Variants in PDZRN4 observed in about 807,000 individuals in gnomAD.
The protein encoded by PDZRN4 is PDZ domain containing ring finger 4.
A neutral mutation model predicts 99.0 loss-of-function variants in PDZRN4; 70 were observed. The observed-to-expected ratio is 0.71, with a 90% CI of 0.58 to 0.86. The LOEUF (loss-of-function observed/expected upper bound fraction) is 0.86. Among genes scored for constraint, PDZRN4 ranks in the 40% least tolerant of loss-of-function variants. The pLI is 0.00. For synonymous variants in PDZRN4, 551 were observed against 501.6 expected (o/e 1.10, Z -1.32); for missense variants, 1,474 against 1,331.2 (o/e 1.11, Z -1.67).
intron 3 of PDZRN4, among the ~76,000 whole-genome samples, chr12:41,483,008 A>T (rs1456125876): frequency 6.6e-6 from 1 of 151,806 alleles, no homozygotes; most frequent in African/African-American, 2.4e-5. Flanking sequence ...ATTCATATTG[A>T]TATTAAAAAT....
intron 3 of PDZRN4, among the ~76,000 whole-genome samples, chr12:41,375,395 G>T (rs1028781539): frequency 6.6e-6 from 1 of 152,094 alleles, no homozygotes; most frequent in African/African-American, 2.4e-5. Context: ...TAGATAGAAT[G>T]AAATTTCAAG....
intron 3 of PDZRN4, among the ~76,000 whole-genome samples, chr12:41,360,072 G>C (rs73274414): frequency 0.013 from 1,940 of 152,014 alleles, 45 homozygotes; most frequent in African/African-American, 0.043. Context: ...AATACATTTG[G>C]TTAAGATTGT....
chr12:41,198,698 C>T (rs1273804207), intron 3 of PDZRN4, among the ~76,000 whole-genome samples: 2 of 151,152 alleles, frequency 1.3e-5, no homozygotes, highest in African/African-American at 2.4e-5. Context: ...CAGCATGGCA[C>T]ATGTATACAT....
At chr12:41,191,747 TA>T in intron 2 of PDZRN4, among the ~76,000 whole-genome samples, 1 of 54,942 alleles carries the variant, frequency 1.8e-5, no homozygotes, top group African/African-American at 9.1e-5. Flanking sequence ...ACCCAGATTT[TA>T]TTTATTTATT....
intron 5 of PDZRN4, among the ~76,000 whole-genome samples, chr12:41,543,077 C>G (rs1201484982): frequency 6.6e-6 from 1 of 152,092 alleles, no homozygotes; most frequent in Non-Finnish European, 1.5e-5. Flanking sequence ...TTAATACATC[C>G]CTAAACCCTC....
chr12:41,573,995 T>G lies in PDZRN4; in HGVS notation c.*105T>G, dbSNP rs959507537. 2.3e-5 allele frequency: 17 copies of G among 738,582 alleles called. No homozygotes were observed. Among genetic ancestry groups the G allele is most frequent in the Non-Finnish European group, 3.4e-5 (17 of 494,492 alleles). 45.8% of individuals were successfully genotyped at this position (738,582 alleles called of 1,614,324 possible). ...GGCGTTTTTATATATATTTTGTGAC[T>G]CTTTATAGTTTAAATTTTTTGTAAG... is the stretch of plus-strand genomic sequence containing the variant. On this transcript the variant is annotated 3_prime_UTR_variant, in exon 10 of 10. Transcript: ENST00000402685.
rs559021724 is a variant in PDZRN4, at chr12:41,225,816, A to C, written c.843+31628A>C. Among the ~76,000 whole-genome samples the C allele has an allele frequency of 1.1e-4, 16 of 152,284 alleles. No individual in the cohort carries two copies. The South Asian group carries it at 2.9e-3, about 28-fold the overall frequency. On this transcript the variant is annotated intron_variant, in intron 3 of 9. Coordinates refer to ENST00000402685, the MANE Select transcript of PDZRN4 (RefSeq NM_001164595.2). ...GTTTTGCATGTTAATTATAACAGCT[A>C]TAAGGTGTTGTAGGAGTTGGCATCT...
intron 3 of PDZRN4, among the ~76,000 whole-genome samples, chr12:41,282,926 G>T (rs549796609): frequency 6.6e-6 from 1 of 152,266 alleles, no homozygotes; most frequent in Non-Finnish European, 1.5e-5. Context: ...AAGTGGCAAA[G>T]ATCTAAAATC....
intron 3 of PDZRN4, among the ~76,000 whole-genome samples, chr12:41,430,311 A>G (rs945310141): frequency 6.6e-6 from 1 of 152,170 alleles, no homozygotes; most frequent in African/African-American, 2.4e-5. Flanking sequence ...TCTACTAAAA[A>G]TACAAAAATT....
chr12:41,546,557 T>G (rs1312864141), intron 5 of PDZRN4, among the ~76,000 whole-genome samples: 1 of 152,220 alleles, frequency 6.6e-6, no homozygotes, highest in South Asian at 2.1e-4. Context: ...ATAAACTGCT[T>G]GTGATTGTGA....
intron 5 of PDZRN4, among the ~76,000 whole-genome samples, chr12:41,511,337 C>T (rs78753422): frequency 0.018 from 2,667 of 152,000 alleles, 159 homozygotes; most frequent in East Asian, 0.17. Context: ...ATGGAGCTTA[C>T]TGTAACTGAA....
rs549594078 is a variant in PDZRN4, at chr12:41,309,257, T to C, written c.843+115069T>C. On this transcript the variant is annotated intron_variant, in intron 3 of 9. Coordinates refer to ENST00000402685, the MANE Select transcript of PDZRN4 (RefSeq NM_001164595.2). The stretch of plus-strand genomic sequence containing the variant: ...TATAAACAGAATACCATAGACTAGC[T>C]AATTTGTAATGATCAGAAATTTATT... 1.5e-4 allele frequency among the ~76,000 whole-genome samples: 23 copies of C among 152,328 alleles called. No individual in the cohort carries two copies. The South Asian group carries it at 4.8e-3, about 32-fold the overall frequency.
chr12:41,210,998 A>T (rs976329589), intron 3 of PDZRN4, among the ~76,000 whole-genome samples: 1 of 151,908 alleles, frequency 6.6e-6, no homozygotes, highest in South Asian at 2.1e-4. Context: ...AATTTCTAAA[A>T]CATTGTCAGT....
At chr12:41,380,949 A>G (rs192925402) in intron 3 of PDZRN4, among the ~76,000 whole-genome samples, 1 of 152,252 alleles carries the variant, frequency 6.6e-6, no homozygotes, top group Admixed American at 6.5e-5. Context: ...CATTTAGAAA[A>G]GCCTTTATCT....
At chr12:41,206,169 T>C (rs1950849185) in intron 3 of PDZRN4, among the ~76,000 whole-genome samples, 1 of 152,004 alleles carries the variant, frequency 6.6e-6, no homozygotes, top group Non-Finnish European at 1.5e-5. Context: ...GACGTATGCA[T>C]GTATTTATGA....
At chr12:41,269,362 T>C (rs771195846) in intron 3 of PDZRN4, among the ~76,000 whole-genome samples, 2 of 152,200 alleles carry the variant, frequency 1.3e-5, no homozygotes, top group African/African-American at 2.4e-5. Flanking sequence ...TAATTGTTGA[T>C]ACTATTTAAG....
chr12:41,573,078 A>T lies in PDZRN4; in HGVS notation c.2299A>T (p.Thr767Ser). The change falls in exon 10 of 10, where the codon ACC becomes TCC. Residue 767 changes from threonine (T) to serine (S), a missense_variant. Transcript: ENST00000402685. ...TTCCCTTCCAAGGGTGATCAACCTCACCAATAAGAAAAACCTGAGAAGCAC... is the reference window on the plus strand; with the variant it reads ...TTCCCTTCCAAGGGTGATCAACCTCTCCAATAAGAAAAACCTGAGAAGCAC... Reference protein sequence around the residue: ...DSSLPRVINLTNKKNLRSTMA... With the variant: ...DSSLPRVINLSNKKNLRSTMA... 1 of 1,614,064 alleles carries T rather than the reference A, an allele frequency of 6.2e-7. No homozygotes were observed. The highest frequency in any genetic ancestry group is 8.5e-7 in the Non-Finnish European group (1 of 1,180,008).
At chr12:41,268,611 C>T (rs923827441) in intron 3 of PDZRN4, among the ~76,000 whole-genome samples, 2 of 152,148 alleles carry the variant, frequency 1.3e-5, no homozygotes, top group African/African-American at 4.8e-5. Context: ...GTCTGTTAAA[C>T]TTTATTGTAA....
intron 3 of PDZRN4, among the ~76,000 whole-genome samples, chr12:41,476,988 A>G (rs906682251): frequency 6.6e-6 from 1 of 152,222 alleles, no homozygotes; most frequent in African/African-American, 2.4e-5. Flanking sequence ...TATTTAGTGA[A>G]GATCTGAATA....
Sources: allele counts gnomAD v4.1 joint callset (sites outside exome capture counted in the v4.1 genomes callset), GRCh38; gene constraint gnomAD v4.1.1; transcripts MANE v1.5; gene names NCBI Gene and HGNC (gene_info 2026-07-23, HGNC 2026-07-21).